EBF1: variants seen among roughly 807,000 people sequenced by gnomAD.
EBF1 encodes EBF transcription factor 1, also known as transcription factor COE1.
In EBF1, 10 loss-of-function variants were observed where a neutral mutation model predicts 68.4. The ratio of observed to expected loss-of-function variants is 0.15; its 90% CI spans 0.09 to 0.25. The LOEUF (loss-of-function observed/expected upper bound fraction) is 0.25, where lower values mean the gene tolerates loss of function less well. Among genes scored for constraint, EBF1 ranks in the 10% least tolerant of loss-of-function variants. The pLI, the probability that EBF1 is intolerant of heterozygous loss-of-function variation, is 1.00. For synonymous variants in EBF1, 298 were observed against 299.8 expected, an observed-to-expected ratio of 0.99 and a Z score of 0.06; for missense variants, 509 against 794.4, an observed-to-expected ratio of 0.64 and a Z score of 4.32.
chr5:158,711,111 C>T (rs1411846111), intron 14 of EBF1, among the ~76,000 whole-genome samples: 1 of 152,036 alleles, frequency 6.6e-6, no homozygotes, highest in African/African-American at 2.4e-5. Flanking sequence ...ATATGGTTTT[C>T]TTTTCCTTTT....
At chr5:158,877,405 A>G (rs1176921221) in intron 6 of EBF1, among the ~76,000 whole-genome samples, 3 of 152,164 alleles carry the variant, frequency 2.0e-5, no homozygotes, top group Non-Finnish European at 2.9e-5. Context: ...GGGCTATGCT[A>G]CATCTCGGCA....
At chr5:158,860,235 C>A (rs768946134) in intron 6 of EBF1, among the ~76,000 whole-genome samples, 2 of 152,234 alleles carry the variant, frequency 1.3e-5, no homozygotes, top group Non-Finnish European at 2.9e-5. Flanking sequence ...ATGCTCACAA[C>A]AACCCTAAGA....
At chr5:159,027,085 C>T (rs1187066586) in intron 6 of EBF1, among the ~76,000 whole-genome samples, 1 of 152,194 alleles carries the variant, frequency 6.6e-6, no homozygotes, top group Non-Finnish European at 1.5e-5. Context: ...TTCGTCCCTC[C>T]ATTAGAAAAC....
At chr5:159,026,304 G>C (rs1363353272) in intron 6 of EBF1, among the ~76,000 whole-genome samples, 1 of 151,778 alleles carries the variant, frequency 6.6e-6, no homozygotes, top group Non-Finnish European at 1.5e-5. Flanking sequence ...ATATAAGTTG[G>C]ACTTAGGGAA....
At chr5:158,838,121 C>T (rs371160852) in intron 7 of EBF1, among the ~76,000 whole-genome samples, 10 of 152,040 alleles carry the variant, frequency 6.6e-5, no homozygotes, top group South Asian at 4.2e-4. Context: ...GTCAGATGAC[C>T]GGAGGAAACA....
intron 6 of EBF1, among the ~76,000 whole-genome samples, chr5:158,953,531 G>C (rs573436209): frequency 1.3e-4 from 20 of 152,292 alleles, no homozygotes; most frequent in African/African-American, 4.8e-4. Context: ...ATCCTCCACT[G>C]TCTTGAACTC....
At chr5:158,901,750 ACTTC>A (rs1803393191) in intron 6 of EBF1, among the ~76,000 whole-genome samples, 1 of 152,190 alleles carries the variant, frequency 6.6e-6, no homozygotes, top group Non-Finnish European at 1.5e-5. Context: ...GAATGCAGTA[ACTTC>A]CCCCGGTTTA....
At chr5:159,086,790 G>A (rs1206898730) in intron 4 of EBF1, among the ~76,000 whole-genome samples, 2 of 152,044 alleles carry the variant, frequency 1.3e-5, no homozygotes, top group Admixed American at 6.6e-5. Context: ...TTCTGTAGAC[G>A]TAATCCAGAT....
chr5:159,049,929 AT>A lies in EBF1; in HGVS notation c.554+23466del, dbSNP rs532923015. ...CGACACAGCACAGCAAATTCATTCAATTTGGTGGGTCCTAACGCTTTCTCTT... is the reference window on the plus strand; with the variant it reads ...CGACACAGCACAGCAAATTCATTCAATTGGTGGGTCCTAACGCTTTCTCTT... On this transcript the variant is annotated intron_variant, in intron 6 of 15. Transcript: ENST00000313708. Among the ~76,000 whole-genome samples, 450 of 152,212 alleles carry A rather than the reference AT, an allele frequency of 3.0e-3. 1 individual carries two copies. The highest frequency in any genetic ancestry group is 4.4e-3 in the Non-Finnish European group (301 of 68,018).
intron 8 of EBF1, among the ~76,000 whole-genome samples, chr5:158,807,158 C>A (rs1385574904): frequency 1.3e-5 from 2 of 152,048 alleles, no homozygotes; most frequent in Non-Finnish European, 2.9e-5. Context: ...CTGATAAAGA[C>A]TAATCAGAGC....
Position 158,975,701 on chromosome 5 carries a change from T to C in EBF1, c.554+97695A>G, listed in dbSNP as rs114930425. Among the ~76,000 whole-genome samples, 526 of 152,294 alleles carry C rather than the reference T, an allele frequency of 3.5e-3. 3 individuals carry two copies. Among genetic ancestry groups the C allele is most frequent in the African/African-American group, 0.012 (493 of 41,558 alleles). On this transcript the variant is annotated intron_variant, in intron 6 of 15. Coordinates refer to ENST00000313708, the MANE Select transcript of EBF1 (RefSeq NM_024007.5). ...TAAAATGGAAAGAGGGAGAAACTTATCCACAGCCACATGAGAAACACTGTT... is the reference window on the plus strand; with the variant it reads ...TAAAATGGAAAGAGGGAGAAACTTACCCACAGCCACATGAGAAACACTGTT...
chr5:158,877,945 C>T (rs1293428752), intron 6 of EBF1, among the ~76,000 whole-genome samples: 2 of 151,924 alleles, frequency 1.3e-5, no homozygotes, highest in Non-Finnish European at 2.9e-5. Flanking sequence ...CATATGCCAA[C>T]TCCTGAGTCA....
chr5:158,827,133 G>A (rs535886537), intron 7 of EBF1, among the ~76,000 whole-genome samples: 1 of 152,144 alleles, frequency 6.6e-6, no homozygotes, highest in Non-Finnish European at 1.5e-5. Flanking sequence ...AACATTAGTA[G>A]CAGTAATAGA....
intron 6 of EBF1, among the ~76,000 whole-genome samples, chr5:158,933,371 C>T (rs967413411): frequency 1.3e-5 from 2 of 152,118 alleles, no homozygotes; most frequent in Non-Finnish European, 2.9e-5. Flanking sequence ...AAGAGGTGCA[C>T]AAAACAAGCC....
chr5:158,986,013 C>G (rs1758956883), intron 6 of EBF1: 1 of 152,462 alleles, frequency 6.6e-6, no homozygotes, highest in Non-Finnish European at 1.5e-5. Context: ...CCACTTACCC[C>G]AGCAATGGCA....
At chr5:158,926,473 C>A (rs1212145628) in intron 6 of EBF1, among the ~76,000 whole-genome samples, 1 of 152,064 alleles carries the variant, frequency 6.6e-6, no homozygotes, top group East Asian at 1.9e-4. Flanking sequence ...CGCCTGTAAT[C>A]CCAGCACTTT....
At chr5:158,834,696 A>G (rs751587479) in intron 7 of EBF1, among the ~76,000 whole-genome samples, 1 of 152,230 alleles carries the variant, frequency 6.6e-6, no homozygotes, top group African/African-American at 2.4e-5. Context: ...TGTGAAGCTG[A>G]GTTTGCTTGA....
In EBF1 at chr5:159,063,364, T is replaced by C. The variant is rs180973782; in HGVS notation, c.554+10032A>G. ...AGCCGTGGAATTTGCCCAAGTTCGATACCTCTGGGTATGAGCTAAAAGGTG... is the reference window on the plus strand; with the variant it reads ...AGCCGTGGAATTTGCCCAAGTTCGACACCTCTGGGTATGAGCTAAAAGGTG... On this transcript the variant is annotated intron_variant, in intron 6 of 15. Coordinates refer to ENST00000313708, the MANE Select transcript of EBF1 (RefSeq NM_024007.5). Among the ~76,000 whole-genome samples the C allele has an allele frequency of 2.9e-3, 448 of 152,350 alleles. 4 individuals carry two copies. The highest frequency in any genetic ancestry group is 0.01 in the African/African-American group (428 of 41,582).
At chr5:158,737,266 A>ATTTTTTTTTTTTTTTT (rs61380054) in intron 10 of EBF1, among the ~76,000 whole-genome samples, 1 of 55,642 alleles carries the variant, frequency 1.8e-5, no homozygotes, top group Non-Finnish European at 3.0e-5. Flanking sequence ...ACATGCCCTG[A>ATTTTTTTTTTTTTTTT]TTTTTTTTTT....
Sources: allele counts gnomAD v4.1 joint callset (sites outside exome capture counted in the v4.1 genomes callset), GRCh38; gene constraint gnomAD v4.1.1; transcripts MANE v1.5; gene names NCBI Gene and HGNC (gene_info 2026-07-23, HGNC 2026-07-21).